FAM177B: variants seen among roughly 807,000 people sequenced by gnomAD.
The protein encoded by FAM177B is family with sequence similarity 177 member B.
Under a neutral mutation model 16.1 loss-of-function variants are expected in FAM177B, and 16 were observed. The observed-to-expected ratio is 0.99, with a 90% CI of 0.67 to 1.51. FAM177B has a LOEUF of 1.51. Among genes scored for constraint, FAM177B ranks in the 40% most tolerant of loss-of-function variants. The pLI is 0.00. For synonymous variants in FAM177B, 56 were observed against 59.9 expected (o/e 0.93, Z 0.30); for missense variants, 178 against 183.7 (o/e 0.97, Z 0.18).
chr1:222,737,553 G>A (rs548871708), intron 1 of FAM177B, among the ~76,000 whole-genome samples: 1 of 152,322 alleles, frequency 6.6e-6, no homozygotes, highest in East Asian at 1.9e-4. Context: ...CAGGAAGAAG[G>A]CCCGTGGGGT....
intron 3 of FAM177B, 62 bp from the exon 4 acceptor site, chr1:222,746,953 A>C: frequency 8.6e-7 from 1 of 1,156,388 alleles, no homozygotes; most frequent in Non-Finnish European, 1.3e-6. Context: ...TCTACATTAA[A>C]ACAAATCTGC....
At chr1:222,749,054 T>C (rs1328412516) in intron 4 of FAM177B, 1 of 472,302 alleles carries the variant, frequency 2.1e-6, no homozygotes, top group South Asian at 1.6e-5. Context: ...GAAGAATTCC[T>C]GATGTGGGTC....
Position 222,747,062 on chromosome 1 carries a change from A to G in FAM177B, c.222A>G (p.Ile74Met). The change falls in exon 4 of 6, where the codon ATA becomes ATG. Residue 74 changes from isoleucine to methionine, a missense_variant. Ile to Met is a conservative substitution (Grantham distance 10). Coordinates refer to ENST00000445590, the MANE Select transcript of FAM177B (RefSeq NM_001394345.1). ...ACCTACGATTTTGGGCAGGACGAAT[A>G]GCAAGCACCTCATTTTCTAGTAAGT... is the stretch of plus-strand genomic sequence containing the variant. ...GPYLRFWAGR[I>M]ASTSFSTCEF... The G allele has an allele frequency of 6.2e-7, 1 of 1,611,552 alleles. No homozygotes were observed. Among genetic ancestry groups the G allele is most frequent in the South Asian group, 1.1e-5 (1 of 91,024 alleles).
At chr1:222,747,750 T>C (rs1289753845) in intron 4 of FAM177B, among the ~76,000 whole-genome samples, 2 of 152,202 alleles carry the variant, frequency 1.3e-5, no homozygotes, top group African/African-American at 2.4e-5. Context: ...CTCTTAGAAA[T>C]TGATCTTCAT....
chr1:222,748,171 C>T (rs921673472), intron 4 of FAM177B, among the ~76,000 whole-genome samples: 11 of 152,006 alleles, frequency 7.2e-5, no homozygotes, highest in African/African-American at 2.7e-4. Context: ...TTGGAAGTTA[C>T]GTTGAAAATC....
rs756885886 is a variant in FAM177B at position 222,746,537 on chromosome 1, T to G, written c.-9T>G. On this transcript the variant is annotated 5_prime_UTR_variant, in exon 3 of 6. Coordinates refer to ENST00000445590, the MANE Select transcript of FAM177B (RefSeq NM_001394345.1). ...CCTGTTTTTAATTTTCTAGTTGTTTTGTTTCATTATGGAGATTGACGGTTT... is the reference window on the plus strand; with the variant it reads ...CCTGTTTTTAATTTTCTAGTTGTTTGGTTTCATTATGGAGATTGACGGTTT... 3.8e-6 allele frequency: 6 copies of G among 1,571,464 alleles called. No homozygotes were observed. The highest frequency in any genetic ancestry group is 5.2e-6 in the Non-Finnish European group (6 of 1,153,084).
chr1:222,746,710 A>T lies in FAM177B; in HGVS notation c.165A>T (p.Thr55=), dbSNP rs202070793. The change falls in exon 3 of 6, where the codon ACA becomes ACT. Residue 55 remains threonine, a synonymous_variant. Transcript: ENST00000445590. ...AGGAGGAGCAGAGCACAAATTCAAC[A>T]CTTGACCCTGTAAGCTTAGTATATC... ...EEKEEQSTNS[T]LDPSKLSWGP... 9 of 1,609,960 alleles carry T rather than the reference A, an allele frequency of 5.6e-6. No homozygotes were observed. The East Asian group carries it at 1.8e-4, about 32-fold the overall frequency.
At chr1:222,746,475 G>T in intron 2 of FAM177B, 56 bp from the exon 3 acceptor site, 1 of 970,092 alleles carries the variant, frequency 1.0e-6, no homozygotes, top group Non-Finnish European at 1.6e-6. Flanking sequence ...AAAATAACTA[G>T]ATAACTCTCA....
At position 222,749,525 on chromosome 1, in the gene FAM177B, A is replaced by G. The variant is rs1658958334; in HGVS notation, c.302A>G (p.Gln101Arg). 6.2e-7 allele frequency: 1 copy of G among 1,609,036 alleles called. No individual in the cohort carries two copies. Among genetic ancestry groups the G allele is most frequent in the African/African-American group, 1.3e-5 (1 of 74,772 alleles). Reference sequence around the variant, plus strand: ...TTTGGTCTTACTCAACCCAAATATCAGTATGTGTTAAACGAGTTCTATAGG... The same window carrying G: ...TTTGGTCTTACTCAACCCAAATATCGGTATGTGTTAAACGAGTTCTATAGG... ...VFFGLTQPKY[Q>R]YVLNEFYRIQ... Residue 101 changes from glutamine (Q) to arginine (R), a missense_variant, in exon 5 of 6, where the codon CAG becomes CGG. By Grantham distance (43) the Gln-to-Arg change is conservative (BLOSUM62 1). Coordinates refer to ENST00000445590, the MANE Select transcript of FAM177B (RefSeq NM_001394345.1).
chr1:222,739,129 A>C (rs1381240098), intron 2 of FAM177B, among the ~76,000 whole-genome samples: 1 of 152,198 alleles, frequency 6.6e-6, no homozygotes, highest in Non-Finnish European at 1.5e-5. Context: ...CGTATGTTTC[A>C]TTTGGTTTGG....
chr1:222,746,252 C>T (rs781040360), intron 2 of FAM177B, among the ~76,000 whole-genome samples: 48 of 152,318 alleles, frequency 3.2e-4, no homozygotes, highest in Admixed American at 9.1e-4. Flanking sequence ...AGGATAGTGA[C>T]CCCTTCCTAC....
intron 4 of FAM177B, chr1:222,749,158 C>T (rs1381782384): frequency 2.2e-6 from 1 of 447,368 alleles, no homozygotes; most frequent in Middle Eastern, 3.3e-4. Flanking sequence ...AATACCTGTT[C>T]TGATTGCTCA....
At chr1:222,749,118 G>A (rs1447189000) in intron 4 of FAM177B, 3 of 468,818 alleles carry the variant, frequency 6.4e-6, no homozygotes, top group Admixed American at 4.8e-5. Context: ...TGGAGCAGAT[G>A]TTTAGCCGGT....
intron 2 of FAM177B, among the ~76,000 whole-genome samples, chr1:222,743,456 C>T (rs945183633): frequency 1.3e-5 from 2 of 152,176 alleles, no homozygotes; most frequent in Admixed American, 1.3e-4. Flanking sequence ...CCACACCCGG[C>T]CATGAATTGT....
In FAM177B at chr1:222,746,799, T is replaced by C. The variant is rs547724622; in HGVS notation, c.174+80T>C. On this transcript the variant is annotated intron_variant, in intron 3 of 5. Coordinates refer to ENST00000445590, the MANE Select transcript of FAM177B (RefSeq NM_001394345.1). ...AAGAGATTGAGCCAGACAAGGTTTA[T>C]AGAAAGAATAGCTTTAAGCTAAGTC... 3.2e-6 allele frequency: 4 copies of C among 1,237,816 alleles called. No homozygotes were observed. The East Asian group carries it at 7.6e-5, about 23-fold the overall frequency. 76.7% of individuals were successfully genotyped at this position (1,237,816 alleles called of 1,614,324 possible). A position where few individuals can be genotyped will look rare whatever the true frequency, so the allele number is the denominator to read the frequency against.
At chr1:222,742,217 A>C (rs940683023) in intron 2 of FAM177B, among the ~76,000 whole-genome samples, 3 of 151,688 alleles carry the variant, frequency 2.0e-5, no homozygotes, top group African/African-American at 7.3e-5. Flanking sequence ...CTCACCCCAC[A>C]CTCCAACATA....
At chr1:222,741,919 TC>T (rs1658565256) in intron 2 of FAM177B, among the ~76,000 whole-genome samples, 1 of 115,242 alleles carries the variant, frequency 8.7e-6, no homozygotes, top group Admixed American at 9.3e-5. Context: ...TCTCTCTCTC[TC>T]TCTCTCTCTC....
chr1:222,745,511 G>A (rs1363343847), intron 2 of FAM177B, among the ~76,000 whole-genome samples: 1 of 152,202 alleles, frequency 6.6e-6, no homozygotes, highest in Non-Finnish European at 1.5e-5. Flanking sequence ...CAGCTACTCA[G>A]GTGGTTGAGG....
chr1:222,750,249 A>G lies in FAM177B; in HGVS notation c.*191A>G, dbSNP rs377330533. The G allele has an allele frequency of 2.5e-5, 35 of 1,389,154 alleles. No homozygotes were observed. In the African/African-American group the frequency reaches 3.2e-4, roughly 13 times the overall value. The allele number at this position is 1,389,154 out of a possible 1,614,324, so 86.1% of individuals were successfully genotyped here. A position where few individuals can be genotyped will look rare whatever the true frequency, so the allele number is the denominator to read the frequency against. On this transcript the variant is annotated 3_prime_UTR_variant, in exon 6 of 6. Coordinates refer to ENST00000445590, the MANE Select transcript of FAM177B (RefSeq NM_001394345.1). ...AAGCATCCAGGAATTACAAGCAATA[A>G]TGAGAGTAATTTTGGACACTTTCTC... is the stretch of plus-strand genomic sequence containing the variant.
Sources: allele counts gnomAD v4.1 joint callset (sites outside exome capture counted in the v4.1 genomes callset), GRCh38; gene constraint gnomAD v4.1.1; transcripts MANE v1.5; gene names NCBI Gene and HGNC (gene_info 2026-07-23, HGNC 2026-07-21).